Variants in SHTN1 observed in about 807,000 individuals in gnomAD.
The protein encoded by SHTN1 is shootin-1.
A neutral mutation model predicts 83.1 loss-of-function variants in SHTN1; 42 were observed. That is an observed-to-expected ratio of 0.51 (90% CI 0.39 to 0.65). SHTN1 has a LOEUF of 0.65. Ranked by LOEUF, SHTN1 falls within the 30% of genes least tolerant of loss-of-function variation. The probability of loss-of-function intolerance (pLI) is 0.00; values close to 1 mark genes in which losing one functional copy is unlikely to be tolerated. For missense variants in SHTN1, 622 were observed against 737.8 expected, an observed-to-expected ratio of 0.84 and a Z score of 1.82; for synonymous variants, 224 against 247.7, an observed-to-expected ratio of 0.90 and a Z score of 0.90.
At chr10:117,042,938 T>C (rs1225666844) in intron 2 of SHTN1, among the ~76,000 whole-genome samples, 1 of 152,044 alleles carries the variant, frequency 6.6e-6, no homozygotes, top group African/African-American at 2.4e-5. Flanking sequence ...TATTAACTAA[T>C]GTGGCATTAA....
At chr10:116,887,196 G>A (rs1166278304) in intron 16 of SHTN1, among the ~76,000 whole-genome samples, 1 of 152,190 alleles carries the variant, frequency 6.6e-6, no homozygotes, top group Non-Finnish European at 1.5e-5. Flanking sequence ...TCTAAAAGGA[G>A]AATCAGGTTT....
intron 16 of SHTN1, among the ~76,000 whole-genome samples, chr10:116,895,794 CAGTT>C (rs1847496272): frequency 1.3e-5 from 2 of 152,288 alleles, no homozygotes; most frequent in African/African-American, 2.4e-5. Context: ...ATCTAAATGT[CAGTT>C]AGAAGTGTAA....
intron 2 of SHTN1, among the ~76,000 whole-genome samples, chr10:117,023,021 C>T (rs1325179348): frequency 6.6e-6 from 1 of 152,210 alleles, no homozygotes; most frequent in Admixed American, 6.6e-5. Context: ...GGCTACACTG[C>T]CAATGCCAGG....
In SHTN1 at chr10:116,944,984, C is replaced by T. The variant is rs778417228; in HGVS notation, c.651G>A (p.Met217Ile). Residue 217 changes from methionine (M) to isoleucine (I), a missense_variant, in exon 8 of 17, where the codon ATG (methionine) becomes ATA (isoleucine). Physicochemically the swap from Met to Ile is conservative, Grantham distance 10. This residue lies in a region of SHTN1 where 383 missense variants were observed against 455.8 expected (regional missense o/e 0.84). Coordinates refer to ENST00000355371, the MANE Select transcript of SHTN1 (RefSeq NM_001127211.3). ...SMLAVEEYEE[M>I]QVNLELEKDL... Reference sequence around the variant, plus strand: ...CCTTCTCCAGCTCCAGGTTTACTTGCATCTCCTCATACTCTTCTACAGCTA... The same window carrying T: ...CCTTCTCCAGCTCCAGGTTTACTTGTATCTCCTCATACTCTTCTACAGCTA... 1 of 1,610,708 alleles carries T rather than the reference C, an allele frequency of 6.2e-7. No individual in the cohort carries two copies. Among genetic ancestry groups the T allele is most frequent in the Non-Finnish European group, 8.5e-7 (1 of 1,177,228 alleles).
chr10:116,991,384 G>C (rs939069744), intron 1 of SHTN1, among the ~76,000 whole-genome samples: 5 of 152,144 alleles, frequency 3.3e-5, no homozygotes, highest in Non-Finnish European at 5.9e-5. Flanking sequence ...GGCTCTGCAG[G>C]CTCTACAAGG....
At chr10:116,939,287 C>A (rs761091989) in intron 9 of SHTN1, among the ~76,000 whole-genome samples, 1 of 152,172 alleles carries the variant, frequency 6.6e-6, no homozygotes, top group Non-Finnish European at 1.5e-5. Flanking sequence ...TCCCAGGGCC[C>A]TGGTGGTGTA....
At chr10:116,962,647 A>C (rs1564900884) in intron 3 of SHTN1, among the ~76,000 whole-genome samples, 2 of 152,184 alleles carry the variant, frequency 1.3e-5, no homozygotes, top group Non-Finnish European at 2.9e-5. Flanking sequence ...AAACAAAAAA[A>C]ACATTTATTT....
At position 116,979,268 on chromosome 10, in the gene SHTN1, T is replaced by G; in HGVS notation, c.99A>C (p.Lys33Asn). The change falls in exon 2 of 17, where the codon AAA becomes AAC. Residue 33 changes from lysine (K) to asparagine (N), a missense_variant. This residue lies in a region of SHTN1 where 383 missense variants were observed against 455.8 expected (regional missense o/e 0.84). Transcript: ENST00000355371. Reference protein sequence around the residue: ...EYEDLRAENQKTKEKCDKIRQ... With the variant: ...EYEDLRAENQNTKEKCDKIRQ... ...GTAAAGTACAAACCTTCTCCTTTGT[T>G]TTCTGGTTCTCTGCTCTAAGGTCTT... 6.2e-7 allele frequency: 1 copy of G among 1,613,930 alleles called. No individual in the cohort carries two copies. Among genetic ancestry groups the G allele is most frequent in the Non-Finnish European group, 8.5e-7 (1 of 1,179,842 alleles).
intron 2 of SHTN1, among the ~76,000 whole-genome samples, chr10:117,039,858 A>G (rs1356257107): frequency 6.6e-6 from 1 of 151,910 alleles, no homozygotes; most frequent in Non-Finnish European, 1.5e-5. Flanking sequence ...ATCAAAAAAA[A>G]AAAAAAAGAA....
At chr10:116,963,163 C>A (rs1850258561) in intron 3 of SHTN1, among the ~76,000 whole-genome samples, 1 of 141,206 alleles carries the variant, frequency 7.1e-6, no homozygotes. Flanking sequence ...GCTCCGCCTC[C>A]CGGGTTCACG....
intron 2 of SHTN1, among the ~76,000 whole-genome samples, chr10:116,975,608 T>C (rs1850774279): frequency 6.6e-6 from 1 of 150,706 alleles, no homozygotes; most frequent in African/African-American, 2.4e-5. Flanking sequence ...GCTTTCCTTA[T>C]AAACTCAAAC....
chr10:116,884,264 C>T lies in SHTN1; in HGVS notation c.*2080G>A. 4.4e-6 allele frequency: 2 copies of T among 459,220 alleles called. No homozygotes were observed. The highest frequency in any genetic ancestry group is 4.4e-6 in the Non-Finnish European group (1 of 228,186). 28.4% of individuals were successfully genotyped at this position (459,220 alleles called of 1,614,324 possible). On this transcript the variant is annotated 3_prime_UTR_variant, in exon 17 of 17. Transcript: ENST00000355371. ...GATCCCTTGCTTTGGTTGACAGTGT[C>T]ACCCCAGCCAGGGGCAAAACCCCCT...
chr10:116,957,823 G>A (rs905735002), intron 4 of SHTN1, among the ~76,000 whole-genome samples: 4 of 152,092 alleles, frequency 2.6e-5, no homozygotes, highest in African/African-American at 9.7e-5. Context: ...ACTTTGGGAG[G>A]CTAAGGCGGG....
chr10:116,936,990 CTTT>C (rs907126691), intron 9 of SHTN1, among the ~76,000 whole-genome samples: 1 of 150,652 alleles, frequency 6.6e-6, no homozygotes, highest in African/African-American at 2.4e-5. Context: ...GCAACCCCTG[CTTT>C]TTTTTTGCTT....
chr10:116,893,576 G>GCGCGCACACACACACACACACACACACA (rs1554905664), intron 16 of SHTN1, among the ~76,000 whole-genome samples: 3 of 123,594 alleles, frequency 2.4e-5, no homozygotes, highest in East Asian at 4.8e-4. Flanking sequence ...GCACTCATGT[G>GCGCGCACACACACACACACACACACACA]CACACACACA....
chr10:117,019,134 G>A (rs1433056878), intron 2 of SHTN1, among the ~76,000 whole-genome samples: 2 of 24,494 alleles, frequency 8.2e-5, no homozygotes, highest in Non-Finnish European at 8.8e-4. Flanking sequence ...ACTAGAAACT[G>A]AAATTTTAAA....
intron 1 of SHTN1, among the ~76,000 whole-genome samples, chr10:117,050,149 A>G (rs1196329811): frequency 3.9e-5 from 6 of 152,268 alleles, no homozygotes; most frequent in African/African-American, 1.4e-4. Flanking sequence ...CAACACAGCA[A>G]GACCCCATGT....
At chr10:116,964,968 AAAAT>A (rs1181716001) in intron 3 of SHTN1, among the ~76,000 whole-genome samples, 2 of 152,138 alleles carry the variant, frequency 1.3e-5, no homozygotes, top group African/African-American at 4.8e-5. Flanking sequence ...CTCCATCTCA[AAAAT>A]AAATAAATAA....
At chr10:117,108,357 C>A (rs1043832688) in intron 1 of SHTN1, among the ~76,000 whole-genome samples, 21 of 151,950 alleles carry the variant, frequency 1.4e-4, no homozygotes, top group South Asian at 6.2e-4. Context: ...CACATATACA[C>A]CATGGAATAC....
Sources: allele counts gnomAD v4.1 joint callset (sites outside exome capture counted in the v4.1 genomes callset), GRCh38; gene constraint gnomAD v4.1.1; regional missense constraint gnomAD v4.1.1; transcripts MANE v1.5; gene names NCBI Gene and HGNC (gene_info 2026-07-23, HGNC 2026-07-21).